The following CELF4 variants were observed in gnomAD, a reference collection of about 807,000 sequenced individuals.
CELF4 encodes CUGBP Elav-like family member 4.
CELF4 carries 18 observed loss-of-function variants against 59.9 expected under a neutral mutation model. The ratio of observed to expected loss-of-function variants is 0.30; its 90% confidence interval spans 0.21 to 0.45. CELF4 has a LOEUF of 0.45. Among genes scored for constraint, CELF4 ranks in the 20% least tolerant of loss-of-function variants. The pLI is 1.00. For synonymous variants in CELF4, 261 were observed against 267.1 expected (o/e 0.98, Z 0.22); for missense variants, 456 against 689.0 (o/e 0.66, Z 3.79).
chr18:37,476,420 C>T (rs2099849194), intron 2 of CELF4, among the ~76,000 whole-genome samples: 1 of 152,144 alleles, frequency 6.6e-6, no homozygotes, highest in Non-Finnish European at 1.5e-5. Flanking sequence ...ACCACAAATG[C>T]CTTTGATTAA....
chr18:37,270,917 C>G lies in CELF4; in HGVS notation c.950G>C (p.Gly317Ala). Residue 317 changes from glycine to alanine, a missense_variant and splice_region_variant, in exon 8 of 13, where the codon GGT (glycine) becomes GCT (alanine). Gly to Ala is a moderately conservative substitution (Grantham distance 60, BLOSUM62 0). Coordinates refer to ENST00000420428, the MANE Select transcript of CELF4 (RefSeq NM_020180.4). ...AGTGATGCCCGGAGGGGTGCTGCCACCTGGTTCCAGGCATACAGAAGGGTG... is the reference window on the plus strand; with the variant it reads ...AGTGATGCCCGGAGGGGTGCTGCCAGCTGGTTCCAGGCATACAGAAGGGTG... Reference protein sequence around the residue: ...LAAAPMTPTSGGSTPPGITAP... With the variant: ...LAAAPMTPTSAGSTPPGITAP... 1 of 1,603,950 alleles carries G rather than the reference C, an allele frequency of 6.2e-7. No individual in the cohort carries two copies. Among genetic ancestry groups the G allele is most frequent in the Non-Finnish European group, 8.5e-7 (1 of 1,174,912 alleles).
At chr18:37,445,655 G>A (rs1234216201) in intron 2 of CELF4, among the ~76,000 whole-genome samples, 1 of 152,054 alleles carries the variant, frequency 6.6e-6, no homozygotes, top group Non-Finnish European at 1.5e-5. Context: ...GGAGGCAGAG[G>A]CCCAGGGAGG....
intron 1 of CELF4, among the ~76,000 whole-genome samples, chr18:37,558,867 A>G (rs2099985704): frequency 6.6e-6 from 1 of 151,754 alleles, no homozygotes; most frequent in Non-Finnish European, 1.5e-5. Flanking sequence ...TGGAATACCA[A>G]GAGGCAGTGA....
chr18:37,477,089 A>T (rs2099851954), intron 2 of CELF4, among the ~76,000 whole-genome samples: 2 of 152,244 alleles, frequency 1.3e-5, no homozygotes, highest in Non-Finnish European at 2.9e-5. Flanking sequence ...GGAAATGCCA[A>T]GGCCAGCAAG....
intron 1 of CELF4, among the ~76,000 whole-genome samples, chr18:37,519,190 G>A (rs527900953): frequency 4.6e-5 from 7 of 152,218 alleles, no homozygotes; most frequent in East Asian, 1.9e-4. Flanking sequence ...TCTGGTTTGC[G>A]TTCATCAGCT....
intron 2 of CELF4, among the ~76,000 whole-genome samples, chr18:37,348,234 G>A (rs2098335857): frequency 6.6e-6 from 1 of 152,092 alleles, no homozygotes; most frequent in African/African-American, 2.4e-5. Flanking sequence ...TTCCCCACCT[G>A]CTAAGCAGGG....
intron 10 of CELF4, among the ~76,000 whole-genome samples, chr18:37,262,994 A>G: frequency 6.6e-6 from 1 of 152,078 alleles, no homozygotes; most frequent in Non-Finnish European, 1.5e-5. Flanking sequence ...CTGATCTCAG[A>G]AGTTGCCTGC....
At chr18:37,489,128 C>T (rs1184080373) in intron 1 of CELF4, among the ~76,000 whole-genome samples, 5 of 152,242 alleles carry the variant, frequency 3.3e-5, no homozygotes, top group Non-Finnish European at 7.3e-5. Context: ...TAGAGGCTAA[C>T]TGGGGCAGTC....
chr18:37,330,440 G>A (rs778718637), intron 2 of CELF4, among the ~76,000 whole-genome samples: 8 of 152,176 alleles, frequency 5.3e-5, no homozygotes, highest in Non-Finnish European at 1.2e-4. Flanking sequence ...ATATATTAAT[G>A]CTTTAATTAC....
At chr18:37,542,122 A>G (rs149732951) in intron 1 of CELF4, among the ~76,000 whole-genome samples, 69 of 152,236 alleles carry the variant, frequency 4.5e-4, no homozygotes, top group African/African-American at 1.5e-3. Context: ...CTAGGGTAGA[A>G]GTGGGAGCTC....
chr18:37,329,854 G>T (rs2097473738), intron 2 of CELF4, among the ~76,000 whole-genome samples: 1 of 152,226 alleles, frequency 6.6e-6, no homozygotes, highest in South Asian at 2.1e-4. Context: ...TGGCCACATG[G>T]GGTGGCCTGC....
At chr18:37,354,502 C>T (rs192053949) in intron 2 of CELF4, among the ~76,000 whole-genome samples, 1 of 152,294 alleles carries the variant, frequency 6.6e-6, no homozygotes, top group East Asian at 1.9e-4. Context: ...GACCCATGCT[C>T]GGCTGCATAC....
chr18:37,400,667 T>C (rs903396312), intron 2 of CELF4, among the ~76,000 whole-genome samples: 1 of 152,220 alleles, frequency 6.6e-6, no homozygotes, highest in Admixed American at 6.5e-5. Context: ...AGGCTTTGTG[T>C]TCTCAACCCA....
intron 1 of CELF4, among the ~76,000 whole-genome samples, chr18:37,497,046 C>T (rs908001462): frequency 1.3e-5 from 2 of 152,140 alleles, no homozygotes; most frequent in Admixed American, 1.3e-4. Context: ...TGCTGACTCT[C>T]AAGGAGTGCC....
At chr18:37,335,268 C>T (rs984328909) in intron 2 of CELF4, among the ~76,000 whole-genome samples, 3 of 152,200 alleles carry the variant, frequency 2.0e-5, no homozygotes, top group Non-Finnish European at 4.4e-5. Flanking sequence ...CTCCAGGTCA[C>T]GGGCACTGCC....
chr18:37,385,589 C>T (rs563393811), intron 2 of CELF4, among the ~76,000 whole-genome samples: 1 of 152,180 alleles, frequency 6.6e-6, no homozygotes, highest in African/African-American at 2.4e-5. Context: ...CCTCCCCCAG[C>T]CCACAATACC....
intron 2 of CELF4, among the ~76,000 whole-genome samples, chr18:37,325,792 T>C (rs58464529): frequency 0.016 from 2,504 of 152,340 alleles, 62 homozygotes; most frequent in African/African-American, 0.056. Flanking sequence ...TTGGTTCCCA[T>C]GCAGCCATGG....
chr18:37,354,635 C>T (rs993641515), intron 2 of CELF4, among the ~76,000 whole-genome samples: 2 of 152,176 alleles, frequency 1.3e-5, no homozygotes, highest in Non-Finnish European at 2.9e-5. Context: ...GGTGGTGCCA[C>T]GTTGGCTTCT....
chr18:37,243,979 C>G lies in CELF4; in HGVS notation c.*1263G>C, dbSNP rs1057401900. On this transcript the variant is annotated 3_prime_UTR_variant, in exon 13 of 13. Coordinates refer to ENST00000420428, the MANE Select transcript of CELF4 (RefSeq NM_020180.4). The stretch of plus-strand genomic sequence containing the variant: ...CCGACGGCGTGGCCTCCACCGGCGT[C>G]GGCAGCCAGGCGCCCGCAGGTGTGG... 1 of 168,370 alleles carries G rather than the reference C, an allele frequency of 5.9e-6. No individual in the cohort carries two copies. Among genetic ancestry groups the G allele is most frequent in the Non-Finnish European group, 1.3e-5 (1 of 77,626 alleles). The allele number at this position is 168,370 out of a possible 1,614,324, so 10.4% of individuals were successfully genotyped here.
Sources: gnomAD v4.1 joint callset for allele counts (sites outside exome capture counted in the v4.1 genomes callset) on GRCh38, gnomAD v4.1.1 for gene constraint, MANE v1.5 for transcripts, NCBI Gene and HGNC (gene_info 2026-07-23, HGNC 2026-07-21) for gene names.